ADCY1: variants seen among roughly 807,000 people sequenced by gnomAD.
The protein encoded by ADCY1 is adenylate cyclase type 1.
In ADCY1, 28 loss-of-function variants were observed where a neutral mutation model predicts 105.4. The ratio of observed to expected loss-of-function variants is 0.27; its 90% CI spans 0.20 to 0.36. ADCY1 has a LOEUF of 0.36. ADCY1 is among the 10% of genes least tolerant of loss of function. ADCY1 has a pLI of 1.00. For missense variants in ADCY1, 977 were observed against 1,434.2 expected (o/e 0.68, Z 5.15); for synonymous variants, 655 against 623.8 (o/e 1.05, Z -0.75).
intron 2 of ADCY1, among the ~76,000 whole-genome samples, chr7:45,593,728 TTCTC>T (rs1397040733): frequency 1.3e-5 from 2 of 152,228 alleles, no homozygotes; most frequent in Non-Finnish European, 2.9e-5. Context: ...TAGGATCTCT[TTCTC>T]AACGATGTGA....
At position 45,708,299 on chromosome 7, in the gene ADCY1, C is replaced by T. The variant is rs746943421; in HGVS notation, c.2818-51C>T. ...GGCACTGCAGGTTGGTCCCTGGCCC[C>T]CTCTTGCCTTGCACTCCCCAGATGT... is the stretch of plus-strand genomic sequence containing the variant. On this transcript the variant is annotated intron_variant, in intron 17 of 19. Transcript: ENST00000297323. This position sits in a 1 kb window ranked among gnomAD's most constrained non-coding sequence, Gnocchi z 4.7. 7.1e-7 allele frequency: 1 copy of T among 1,401,588 alleles called. No individual in the cohort carries two copies. The highest frequency in any genetic ancestry group is 1.0e-6 in the Non-Finnish European group (1 of 990,856). The allele number at this position is 1,401,588 out of a possible 1,614,324, so 86.8% of individuals were successfully genotyped here. A position where few individuals can be genotyped will look rare whatever the true frequency, so the allele number is the denominator to read the frequency against.
Position 45,675,715 on chromosome 7 carries a change from T to C in ADCY1, c.1606-2154T>C, listed in dbSNP as rs12702174. ...GCTTCCATGGTTTCTGAAGAAATGA[T>C]GCTATCATTCTAGTTACTTTTTTTC... On this transcript the variant is annotated intron_variant, in intron 8 of 19. Transcript: ENST00000297323. 3.1e-3 allele frequency among the ~76,000 whole-genome samples: 466 copies of C among 152,292 alleles called. 1 individual carries two copies. Among genetic ancestry groups the C allele is most frequent in the Non-Finnish European group, 5.3e-3 (360 of 68,018 alleles).
intron 2 of ADCY1, among the ~76,000 whole-genome samples, chr7:45,602,961 C>T (rs2115827754): frequency 6.6e-6 from 1 of 152,218 alleles, no homozygotes; most frequent in African/African-American, 2.4e-5. Flanking sequence ...CCATGTATAC[C>T]CACACCTGCC....
chr7:45,614,508 A>G (rs952740811), intron 3 of ADCY1, among the ~76,000 whole-genome samples: 24 of 152,254 alleles, frequency 1.6e-4, no homozygotes, highest in African/African-American at 5.5e-4. Context: ...CTAATAGAAT[A>G]CATTTAACAA....
chr7:45,689,797 G>A (rs978361034), intron 14 of ADCY1, among the ~76,000 whole-genome samples: 3 of 152,194 alleles, frequency 2.0e-5, no homozygotes, highest in East Asian at 3.9e-4. Context: ...AGGAAGCAAA[G>A]CCAGGCATAC....
Position 45,678,043 on chromosome 7 carries a change from C to A in ADCY1, c.1780C>A (p.His594Asn). 1.2e-6 allele frequency: 2 copies of A among 1,614,114 alleles called. No homozygotes were observed. The highest frequency in any genetic ancestry group is 1.7e-6 in the Non-Finnish European group (2 of 1,180,016). Residue 594 changes from histidine (H) to asparagine (N), a missense_variant, in exon 9 of 20, where the codon CAT becomes AAT. Around this residue, in one of 7 missense-constraint regions of ADCY1, gnomAD observed 275 missense variants for 362.1 expected, o/e 0.76. Transcript: ENST00000297323. The part of the protein sequence containing the change: ...DLNFFTLKYK[H>N]VEREQKYHQL... ...GAACTTCTTTACCCTGAAGTACAAA[C>A]ATGTCGAACGGGAGCAAAAGGTAAG... is the stretch of plus-strand genomic sequence containing the variant.
intron 2 of ADCY1, 44 bp downstream of exon 2, chr7:45,592,952 G>A: frequency 5.0e-6 from 8 of 1,605,298 alleles, no homozygotes; most frequent in Non-Finnish European, 4.3e-6. Flanking sequence ...TGGCTGTGGG[G>A]CTGGGGAGGT....
intron 8 of ADCY1, among the ~76,000 whole-genome samples, chr7:45,665,908 C>T (rs190588418): frequency 1.3e-4 from 20 of 152,226 alleles, no homozygotes; most frequent in South Asian, 8.3e-4. Flanking sequence ...GTAAATCTTA[C>T]GAGGATAGCC....
chr7:45,650,667 C>G (rs1026005542), intron 5 of ADCY1, among the ~76,000 whole-genome samples: 1 of 152,178 alleles, frequency 6.6e-6, no homozygotes, highest in Non-Finnish European at 1.5e-5. Flanking sequence ...TTCTTGGCCC[C>G]TGGTCTCCTT....
intron 17 of ADCY1, among the ~76,000 whole-genome samples, chr7:45,707,431 G>T (rs995079687): frequency 2.0e-5 from 3 of 152,172 alleles, no homozygotes; most frequent in African/African-American, 2.4e-5. Flanking sequence ...GTCTGAAAAG[G>T]TTACATACTG....
intron 2 of ADCY1, among the ~76,000 whole-genome samples, chr7:45,601,342 C>T (rs767474793): frequency 1.2e-4 from 18 of 152,258 alleles, no homozygotes; most frequent in Non-Finnish European, 2.6e-4. Context: ...GGCTGGGCAG[C>T]TCCCTAACTG....
At chr7:45,614,575 C>T (rs980038160) in intron 3 of ADCY1, among the ~76,000 whole-genome samples, 1 of 151,952 alleles carries the variant, frequency 6.6e-6, no homozygotes, top group African/African-American at 2.4e-5. Flanking sequence ...GATTAAACTC[C>T]CCAGTCAAAA....
chr7:45,660,230 C>T, intron 7 of ADCY1, 47 bp downstream of exon 7: 1 of 1,609,220 alleles, frequency 6.2e-7, no homozygotes, highest in Non-Finnish European at 8.5e-7. Flanking sequence ...AGCTTCTTGG[C>T]CTGTGCAGAG....
Position 45,689,476 on chromosome 7 carries a change from A to G in ADCY1, c.2454+2803A>G, listed in dbSNP as rs1784746650. On this transcript the variant is annotated intron_variant, in intron 14 of 19. Transcript: ENST00000297323. The stretch of plus-strand genomic sequence containing the variant: ...GGCAAAACATGAACATACATGTCAC[A>G]TGGCGAGAGCAGGAGCAAGGGGGTG... Among the ~76,000 whole-genome samples the G allele has an allele frequency of 2.0e-5, 3 of 152,160 alleles. No individual in the cohort carries two copies. In the South Asian group the frequency reaches 6.3e-4, roughly 32 times the overall value.
chr7:45,605,330 T>A (rs1296489030), intron 2 of ADCY1, among the ~76,000 whole-genome samples: 1 of 152,198 alleles, frequency 6.6e-6, no homozygotes. Context: ...TTTCCTTTTC[T>A]GAACTTACTG....
intron 1 of ADCY1, among the ~76,000 whole-genome samples, chr7:45,584,831 C>T (rs955349217): frequency 2.0e-5 from 3 of 152,256 alleles, no homozygotes; most frequent in African/African-American, 7.2e-5. Context: ...TGTCCAGTCT[C>T]TGGAAGCAGC....
intron 11 of ADCY1, among the ~76,000 whole-genome samples, chr7:45,681,938 A>G (rs1784564183): frequency 6.6e-6 from 1 of 152,158 alleles, no homozygotes; most frequent in Non-Finnish European, 1.5e-5. Context: ...TGCCCAGGGC[A>G]GTGTGGCAGT....
intron 8 of ADCY1, among the ~76,000 whole-genome samples, chr7:45,675,628 G>C (rs1562718874): frequency 6.6e-6 from 1 of 151,754 alleles, no homozygotes; most frequent in Non-Finnish European, 1.5e-5. Context: ...AATTTTGCTA[G>C]ATGTTGAATT....
intron 10 of ADCY1, among the ~76,000 whole-genome samples, chr7:45,678,718 A>G (rs1261735342): frequency 6.6e-6 from 1 of 150,590 alleles, no homozygotes; most frequent in African/African-American, 2.4e-5. Flanking sequence ...TATCTACAAA[A>G]AAAAAAAAAA....
Sources: allele counts gnomAD v4.1 joint callset (sites outside exome capture counted in the v4.1 genomes callset), GRCh38; gene constraint gnomAD v4.1.1; regional missense constraint gnomAD v4.1.1; non-coding constraint Gnocchi (gnomAD v3.1); transcripts MANE v1.5; gene names NCBI Gene and HGNC (gene_info 2026-07-23, HGNC 2026-07-21).